The following NTM variants were observed in gnomAD, a reference collection of about 807,000 sequenced individuals.
NTM encodes the protein neurotrimin, also known as IgLON family member 2.
Under a neutral mutation model 42.1 loss-of-function variants are expected in NTM, and 13 were observed. The ratio of observed to expected loss-of-function variants is 0.31; its 90% CI spans 0.20 to 0.49. The LOEUF (loss-of-function observed/expected upper bound fraction) is 0.49, where lower values mean the gene tolerates loss of function less well. NTM is among the 20% of genes least tolerant of loss of function. The pLI is 0.99. For missense variants in NTM, 373 were observed against 452.8 expected (o/e 0.82, Z 1.60); for synonymous variants, 187 against 179.2 (o/e 1.04, Z -0.35).
At chr11:131,550,824 A>G (rs546187825) in intron 1 of NTM, among the ~76,000 whole-genome samples, 2 of 152,182 alleles carry the variant, frequency 1.3e-5, no homozygotes, top group East Asian at 3.9e-4. Context: ...CAATAGAGCA[A>G]TACCCTGTCT....
intron 1 of NTM, among the ~76,000 whole-genome samples, chr11:131,521,316 G>GAAAT (rs201311970): frequency 0.11 from 12,163 of 109,450 alleles, 773 homozygotes; most frequent in Middle Eastern, 0.14. Context: ...CTCCATCTCA[G>GAAAT]AAATAAATAA....
intron 1 of NTM, among the ~76,000 whole-genome samples, chr11:131,838,801 C>G (rs943068714): frequency 3.3e-5 from 5 of 152,106 alleles, no homozygotes; most frequent in East Asian, 3.8e-4. Flanking sequence ...ATCATTCATT[C>G]ATTCAAAAAA....
At chr11:132,314,823 G>C (rs372194685) in intron 7 of NTM, 120 bp downstream of exon 7, 1 of 1,391,872 alleles carries the variant, frequency 7.2e-7, no homozygotes, top group East Asian at 2.6e-5. Flanking sequence ...GACATGGAGA[G>C]GGAGGAAAAA....
In NTM at chr11:131,675,604, C is replaced by T. The variant is rs117496982; in HGVS notation, c.83-235960C>T. Among the ~76,000 whole-genome samples, 356 of 152,284 alleles carry T rather than the reference C, an allele frequency of 2.3e-3. 7 individuals are homozygous for T. Among genetic ancestry groups the T allele is most frequent in the Admixed American group, 0.019 (290 of 15,298 alleles). On this transcript the variant is annotated intron_variant, in intron 1 of 8. Coordinates refer to ENST00000683400, the MANE Select transcript of NTM (RefSeq NM_001352005.2). Reference sequence around the variant, plus strand: ...AGGCCGAGGGAGGCTGAGCGGCTTACTCGAGTTCTCGCAGCTGCTATATCC... The same window carrying T: ...AGGCCGAGGGAGGCTGAGCGGCTTATTCGAGTTCTCGCAGCTGCTATATCC...
chr11:132,091,415 T>A (rs891008174), intron 2 of NTM, among the ~76,000 whole-genome samples: 1 of 151,692 alleles, frequency 6.6e-6, no homozygotes, highest in Non-Finnish European at 1.5e-5. Context: ...CAAAAAAAAA[T>A]AATAAATTAA....
intron 4 of NTM, among the ~76,000 whole-genome samples, chr11:132,272,013 T>C (rs2093501981): frequency 6.6e-6 from 1 of 152,198 alleles, no homozygotes; most frequent in Non-Finnish European, 1.5e-5. Flanking sequence ...CTAAGAGTTA[T>C]AGAACTTATA....
At chr11:131,485,933 G>A (rs926975159) in intron 1 of NTM, among the ~76,000 whole-genome samples, 1 of 152,172 alleles carries the variant, frequency 6.6e-6, no homozygotes, top group Non-Finnish European at 1.5e-5. Flanking sequence ...CCTATGATGA[G>A]CTATGTGACC....
chr11:131,620,126 A>C (rs981687927), intron 1 of NTM, among the ~76,000 whole-genome samples: 1 of 152,218 alleles, frequency 6.6e-6, no homozygotes, highest in Non-Finnish European at 1.5e-5. Flanking sequence ...CATATACTAA[A>C]GCACACAATA....
chr11:132,258,118 T>C (rs536064724), intron 4 of NTM, among the ~76,000 whole-genome samples: 1 of 152,320 alleles, frequency 6.6e-6, no homozygotes, highest in South Asian at 2.1e-4. Flanking sequence ...GGACAAGCCA[T>C]GCGGCATCTC....
chr11:132,248,620 C>G (rs1488398080), intron 4 of NTM, among the ~76,000 whole-genome samples: 1 of 152,130 alleles, frequency 6.6e-6, no homozygotes, highest in Admixed American at 6.5e-5. Context: ...ACATCGGAAG[C>G]CAAGGTCTGG....
At chr11:131,494,376 AC>A (rs1464486744) in intron 1 of NTM, among the ~76,000 whole-genome samples, 1 of 152,190 alleles carries the variant, frequency 6.6e-6, no homozygotes, top group African/African-American at 2.4e-5. Context: ...GAACAGCTAA[AC>A]GTGCCATGGA....
chr11:131,819,932 T>A (rs2136400269), intron 1 of NTM, among the ~76,000 whole-genome samples: 1 of 152,302 alleles, frequency 6.6e-6, no homozygotes, highest in African/African-American at 2.4e-5. Context: ...CCCAGATAAT[T>A]GATTTCGGTC....
At chr11:131,555,644 C>G (rs2055307814) in intron 1 of NTM, among the ~76,000 whole-genome samples, 1 of 152,134 alleles carries the variant, frequency 6.6e-6, no homozygotes. Context: ...TCAGATGGTC[C>G]CAGCTCAGTT....
chr11:131,520,775 C>G (rs1004462882), intron 1 of NTM, among the ~76,000 whole-genome samples: 2 of 151,946 alleles, frequency 1.3e-5, no homozygotes, highest in African/African-American at 4.8e-5. Flanking sequence ...ATCTCCAAAA[C>G]CTACCTACTC....
intron 1 of NTM, among the ~76,000 whole-genome samples, chr11:131,896,655 A>G (rs372371527): frequency 1.3e-5 from 2 of 149,854 alleles, no homozygotes; most frequent in African/African-American, 4.9e-5. Context: ...CTGTGTTTAC[A>G]TGCCAAATGG....
intron 2 of NTM, among the ~76,000 whole-genome samples, chr11:132,097,982 CA>C (rs985500985): frequency 6.6e-6 from 1 of 152,142 alleles, no homozygotes; most frequent in African/African-American, 2.4e-5. Context: ...TGCTTTTGCC[CA>C]ATTAAGGCAA....
intron 1 of NTM, among the ~76,000 whole-genome samples, chr11:131,597,136 A>C (rs758851621): frequency 5.9e-5 from 9 of 152,100 alleles, no homozygotes; most frequent in Non-Finnish European, 1.3e-4. Flanking sequence ...CAACGCCCTC[A>C]CACACACACC....
chr11:131,575,910 C>A (rs1324871256), intron 1 of NTM, among the ~76,000 whole-genome samples: 2 of 152,136 alleles, frequency 1.3e-5, no homozygotes, highest in Non-Finnish European at 2.9e-5. Context: ...GGCAAATATA[C>A]CTTAAAAGGA....
At chr11:131,559,443 ACAT>A (rs1407328842) in intron 1 of NTM, among the ~76,000 whole-genome samples, 1 of 152,136 alleles carries the variant, frequency 6.6e-6, no homozygotes, top group African/African-American at 2.4e-5. Context: ...TTTCCCATTC[ACAT>A]CCTTCATATC....
Sources: allele counts gnomAD v4.1 joint callset (sites outside exome capture counted in the v4.1 genomes callset), GRCh38; gene constraint gnomAD v4.1.1; transcripts MANE v1.5; gene names NCBI Gene and HGNC (gene_info 2026-07-23, HGNC 2026-07-21).